CDK19: variants seen among roughly 807,000 people sequenced by gnomAD.
CDK19 encodes the protein cyclin-dependent kinase 19.
In CDK19, 20 loss-of-function variants were observed where a neutral mutation model predicts 68.3. That is an observed-to-expected ratio of 0.29 (90% CI 0.21 to 0.43). The LOEUF (loss-of-function observed/expected upper bound fraction) is 0.43. CDK19 is among the 20% of genes least tolerant of loss of function. The pLI, the probability that CDK19 is intolerant of heterozygous loss-of-function variation, is 1.00. For synonymous variants in CDK19, 221 were observed against 222.8 expected (o/e 0.99, Z 0.07); for missense variants, 339 against 623.5 (o/e 0.54, Z 4.86).
At chr6:110,676,224 G>A (rs1771526486) in intron 2 of CDK19, among the ~76,000 whole-genome samples, 1 of 152,190 alleles carries the variant, frequency 6.6e-6, no homozygotes, top group African/African-American at 2.4e-5. Context: ...TAGAAGTAGA[G>A]CTTGAGGATT....
chr6:110,648,405 A>T (rs1037453137), intron 4 of CDK19, among the ~76,000 whole-genome samples: 4 of 152,212 alleles, frequency 2.6e-5, no homozygotes, highest in Admixed American at 6.5e-5. Flanking sequence ...TACCAGGAAA[A>T]AAAGAGCTAG....
chr6:110,786,778 C>T (rs1389594399), intron 1 of CDK19, among the ~76,000 whole-genome samples: 1 of 152,104 alleles, frequency 6.6e-6, no homozygotes, highest in Non-Finnish European at 1.5e-5. Flanking sequence ...TGGCAAGGTA[C>T]TTCCTTAGGG....
intron 2 of CDK19, among the ~76,000 whole-genome samples, chr6:110,714,985 C>T (rs1235092494): frequency 1.3e-5 from 2 of 152,084 alleles, no homozygotes; most frequent in Non-Finnish European, 2.9e-5. Flanking sequence ...CTGCCTGCCT[C>T]GGCCTCCCAA....
intron 1 of CDK19, among the ~76,000 whole-genome samples, chr6:110,750,470 C>A (rs1778402835): frequency 6.6e-6 from 1 of 152,014 alleles, no homozygotes; most frequent in South Asian, 2.1e-4. Context: ...ACCAAATGAA[C>A]AGAAAAGATT....
chr6:110,654,415 T>G (rs914708220), intron 4 of CDK19, among the ~76,000 whole-genome samples: 1 of 152,232 alleles, frequency 6.6e-6, no homozygotes, highest in Non-Finnish European at 1.5e-5. Context: ...GTAGATGATT[T>G]AAAATATGGA....
intron 1 of CDK19, among the ~76,000 whole-genome samples, chr6:110,802,891 A>G (rs1490873019): frequency 6.6e-6 from 1 of 152,226 alleles, no homozygotes; most frequent in African/African-American, 2.4e-5. Context: ...AGCTTCTCTG[A>G]TGGAAACTTA....
At chr6:110,718,964 T>C (rs1775618067) in intron 2 of CDK19, among the ~76,000 whole-genome samples, 2 of 152,116 alleles carry the variant, frequency 1.3e-5, no homozygotes, top group African/African-American at 4.8e-5. Context: ...GGTAAAGAGT[T>C]CTAAAGTCCT....
At chr6:110,688,438 T>C (rs564943108) in intron 2 of CDK19, among the ~76,000 whole-genome samples, 1 of 151,970 alleles carries the variant, frequency 6.6e-6, no homozygotes, top group South Asian at 2.1e-4. Context: ...CAAAATAGTG[T>C]GTAGAGACTC....
chr6:110,795,181 G>C (rs556864265), intron 1 of CDK19, among the ~76,000 whole-genome samples: 111 of 152,112 alleles, frequency 7.3e-4, no homozygotes, highest in Non-Finnish European at 1.5e-3. Flanking sequence ...TTGTTGCACA[G>C]GCTAGTCTGG....
chr6:110,814,908 C>T (rs1461353945), intron 1 of CDK19, 101 bp downstream of exon 1: 2 of 1,518,392 alleles, frequency 1.3e-6, no homozygotes, highest in Admixed American at 1.8e-5. Flanking sequence ...TCCGCCTCGC[C>T]CCTCGGGCAC....
chr6:110,712,790 T>C (rs927650194), intron 2 of CDK19, among the ~76,000 whole-genome samples: 7 of 152,200 alleles, frequency 4.6e-5, no homozygotes, highest in East Asian at 3.9e-4. Flanking sequence ...TTAGTGCCAA[T>C]AGAACAGAAT....
chr6:110,794,907 A>T (rs1781839813), intron 1 of CDK19, among the ~76,000 whole-genome samples: 1 of 152,186 alleles, frequency 6.6e-6, no homozygotes, highest in Non-Finnish European at 1.5e-5. Context: ...CTTTAACATA[A>T]AAGTAGAAAA....
chr6:110,744,944 G>A (rs1428966380), intron 2 of CDK19, among the ~76,000 whole-genome samples: 2 of 152,106 alleles, frequency 1.3e-5, no homozygotes, highest in African/African-American at 4.8e-5. Context: ...GGAACTGTGG[G>A]CAATATATGT....
At chr6:110,701,306 G>T (rs918061395) in intron 2 of CDK19, among the ~76,000 whole-genome samples, 1 of 151,664 alleles carries the variant, frequency 6.6e-6, no homozygotes, top group African/African-American at 2.4e-5. Flanking sequence ...ACTTTGGGAG[G>T]CCAAAGTGGG....
In CDK19 at chr6:110,621,128, T is replaced by G. The variant is rs777340611; in HGVS notation, c.1353A>C (p.Gly451=). The change falls in exon 12 of 13, where the codon GGA becomes GGC. Residue 451 remains glycine, a synonymous_variant. Transcript: ENST00000368911. This position sits in a 1 kb window ranked among gnomAD's most constrained non-coding sequence, Gnocchi z 5.4. ...CCTGATAATCCGAGGGCATCACAGG[T>G]CCACCTGAGTTTGCGCCTGAAGGCC... ...RLGPSGANSG[G]PVMPSDYQHS... 1 of 1,613,790 alleles carries G rather than the reference T, an allele frequency of 6.2e-7. No individual in the cohort carries two copies. Among genetic ancestry groups the G allele is most frequent in the South Asian group, 1.1e-5 (1 of 91,026 alleles).
At chr6:110,670,062 C>G (rs1445946204) in intron 3 of CDK19, among the ~76,000 whole-genome samples, 1 of 152,096 alleles carries the variant, frequency 6.6e-6, no homozygotes, top group African/African-American at 2.4e-5. Context: ...GAGGCTGAGG[C>G]AGGAGAATCG....
At chr6:110,773,051 T>TA (rs202143768) in intron 1 of CDK19, among the ~76,000 whole-genome samples, 21,883 of 132,716 alleles carry the variant, frequency 0.16, 1,894 homozygotes, top group South Asian at 0.3. Context: ...CCCCGTCTCT[T>TA]AAAAAAAAAA....
chr6:110,788,092 G>A (rs182590736), intron 1 of CDK19, among the ~76,000 whole-genome samples: 7 of 151,928 alleles, frequency 4.6e-5, no homozygotes, highest in East Asian at 3.9e-4. Flanking sequence ...TGCCCACCTC[G>A]GCCTCCCAAA....
At chr6:110,812,432 T>A (rs1484681110) in intron 1 of CDK19, among the ~76,000 whole-genome samples, 1 of 152,196 alleles carries the variant, frequency 6.6e-6, no homozygotes, top group Non-Finnish European at 1.5e-5. Flanking sequence ...CAGAGAATAT[T>A]TTTAATTAAA....
Sources: allele counts gnomAD v4.1 joint callset (sites outside exome capture counted in the v4.1 genomes callset), GRCh38; gene constraint gnomAD v4.1.1; non-coding constraint Gnocchi (gnomAD v3.1); transcripts MANE v1.5; gene names NCBI Gene and HGNC (gene_info 2026-07-23, HGNC 2026-07-21).